RIMS1: variants seen among roughly 807,000 people sequenced by gnomAD.
RIMS1 encodes regulating synaptic membrane exocytosis protein 1.
A neutral mutation model predicts 214.1 loss-of-function variants in RIMS1; 83 were observed. The ratio of observed to expected loss-of-function variants is 0.39; its 90% CI spans 0.32 to 0.47. The LOEUF (loss-of-function observed/expected upper bound fraction) is 0.47. Ranked by LOEUF, RIMS1 falls within the 20% of genes least tolerant of loss-of-function variation. The pLI, the probability that RIMS1 is intolerant of heterozygous loss-of-function variation, is 0.99. For synonymous variants in RIMS1, 793 were observed against 786.8 expected (o/e 1.01, Z -0.13); for missense variants, 2,050 against 2,161.8 (o/e 0.95, Z 1.03).
intron 1 of RIMS1, among the ~76,000 whole-genome samples, chr6:71,959,946 C>T (rs1049972364): frequency 6.6e-6 from 1 of 152,090 alleles, no homozygotes; most frequent in Non-Finnish European, 1.5e-5. Flanking sequence ...GACTATGTGA[C>T]ATGACCAAAA....
intron 4 of RIMS1, among the ~76,000 whole-genome samples, chr6:72,107,348 G>A (rs531224357): frequency 6.6e-6 from 1 of 152,252 alleles, no homozygotes; most frequent in African/African-American, 2.4e-5. Context: ...ATCACCTGAG[G>A]CCAGGAGTTC....
At chr6:72,229,596 G>A (rs914588290) in intron 6 of RIMS1, among the ~76,000 whole-genome samples, 3 of 151,662 alleles carry the variant, frequency 2.0e-5, no homozygotes, top group Non-Finnish European at 4.4e-5. Flanking sequence ...CCCAAAGTTA[G>A]CTCCTCTATT....
At chr6:72,285,548 A>G (rs1381641754) in intron 24 of RIMS1, among the ~76,000 whole-genome samples, 1 of 151,842 alleles carries the variant, frequency 6.6e-6, no homozygotes, top group Non-Finnish European at 1.5e-5. Flanking sequence ...TGGTCCATGG[A>G]GAAATTGACT....
At chr6:72,167,873 T>G (rs2046477471) in intron 4 of RIMS1, among the ~76,000 whole-genome samples, 2 of 148,618 alleles carry the variant, frequency 1.3e-5, no homozygotes, top group South Asian at 4.4e-4. Context: ...TAAACAAATT[T>G]CTGGGTCCAT....
chr6:72,263,538 C>A (rs998323719), intron 19 of RIMS1: 1 of 984,970 alleles, frequency 1.0e-6, no homozygotes, highest in African/African-American at 1.8e-5. Context: ...GTTTCCCATT[C>A]TATGTTGATC....
chr6:72,264,377 C>A (rs1053739422), intron 19 of RIMS1, among the ~76,000 whole-genome samples: 2 of 152,104 alleles, frequency 1.3e-5, no homozygotes, highest in Non-Finnish European at 2.9e-5. Context: ...GCCTATCTTA[C>A]CCTACTTCCA....
chr6:72,341,117 T>G (rs577901160), intron 29 of RIMS1, among the ~76,000 whole-genome samples: 2,133 of 152,196 alleles, frequency 0.014, 52 homozygotes, highest in African/African-American at 0.048. Context: ...TTCTTGTGGT[T>G]TTTGCACATT....
chr6:72,215,750 A>G lies in RIMS1; in HGVS notation c.1679-18023A>G, dbSNP rs1455404095. Among the ~76,000 whole-genome samples the G allele has an allele frequency of 3.9e-5, 6 of 152,138 alleles. No individual in the cohort carries two copies. The South Asian group carries it at 1.0e-3, about 26-fold the overall frequency. On this transcript the variant is annotated intron_variant, in intron 6 of 33. Coordinates refer to ENST00000521978, the MANE Select transcript of RIMS1 (RefSeq NM_014989.7). ...TTTGGGAAAAGAAAAAAAAGCAAAC[A>G]GATTCTGAGTGAGACCGTAAATATG...
At chr6:72,266,189 A>G (rs963570680) in intron 22 of RIMS1, 140 bp downstream of exon 22, 5 of 702,826 alleles carry the variant, frequency 7.1e-6, no homozygotes, top group African/African-American at 5.3e-5. Context: ...CCCTTCCCTT[A>G]TTATACATGT....
intron 2 of RIMS1, among the ~76,000 whole-genome samples, chr6:72,075,110 C>G (rs1223163356): frequency 6.6e-6 from 1 of 152,068 alleles, no homozygotes; most frequent in East Asian, 1.9e-4. Flanking sequence ...GAGACAGGGT[C>G]TTGCTCTGTC....
intron 6 of RIMS1, chr6:72,213,025 C>T: frequency 1.3e-6 from 2 of 1,513,864 alleles, no homozygotes; most frequent in Non-Finnish European, 1.8e-6. Flanking sequence ...GAAGGAGGCG[C>T]TTCACACTCT....
At chr6:72,195,772 T>C (rs905295799) in intron 6 of RIMS1, among the ~76,000 whole-genome samples, 2 of 152,260 alleles carry the variant, frequency 1.3e-5, no homozygotes, top group Non-Finnish European at 2.9e-5. Flanking sequence ...CTTACTGCTA[T>C]AAAGAACTGC....
At chr6:72,237,966 C>T in intron 9 of RIMS1, 44 bp downstream of exon 9, 1 of 1,341,998 alleles carries the variant, frequency 7.5e-7, no homozygotes. Context: ...GTTCTCCATG[C>T]ATGAACATGA....
intron 6 of RIMS1, among the ~76,000 whole-genome samples, chr6:72,200,354 T>C (rs1357036033): frequency 6.6e-6 from 1 of 152,188 alleles, no homozygotes; most frequent in Non-Finnish European, 1.5e-5. Flanking sequence ...AGAGTCCACC[T>C]GATTTCTTTT....
chr6:71,986,132 G>T (rs1468782197), intron 2 of RIMS1, among the ~76,000 whole-genome samples: 1 of 148,182 alleles, frequency 6.7e-6, no homozygotes, highest in Admixed American at 6.8e-5. Flanking sequence ...ATTATTTGTT[G>T]TACGTCAGAA....
chr6:71,898,504 G>C (rs1029236193), intron 1 of RIMS1, among the ~76,000 whole-genome samples: 3 of 152,092 alleles, frequency 2.0e-5, no homozygotes, highest in South Asian at 4.1e-4. Flanking sequence ...GTGTGCCCAG[G>C]ACACAACAGC....
chr6:72,079,748 GGTGGGGCGTGCTT>G (rs1381896390), intron 2 of RIMS1, among the ~76,000 whole-genome samples: 1 of 152,002 alleles, frequency 6.6e-6, no homozygotes, highest in Non-Finnish European at 1.5e-5. Context: ...AGCCAGGCAT[GGTGGGGCGTGCTT>G]GTAGTCCCAG....
At chr6:72,349,739 T>C (rs909393943) in intron 29 of RIMS1, among the ~76,000 whole-genome samples, 2 of 152,018 alleles carry the variant, frequency 1.3e-5, no homozygotes, top group African/African-American at 4.8e-5. Flanking sequence ...CATCTTTAGG[T>C]AACTTAACCT....
intron 4 of RIMS1, among the ~76,000 whole-genome samples, chr6:72,130,106 T>A (rs895316274): frequency 6.6e-6 from 1 of 152,092 alleles, no homozygotes; most frequent in Non-Finnish European, 1.5e-5. Flanking sequence ...AAAAATATAT[T>A]TATTTATTTA....
Sources: gnomAD v4.1 joint callset for allele counts (sites outside exome capture counted in the v4.1 genomes callset) on GRCh38, gnomAD v4.1.1 for gene constraint, MANE v1.5 for transcripts, NCBI Gene and HGNC (gene_info 2026-07-23, HGNC 2026-07-21) for gene names.